GUCY1A2: variants seen among roughly 807,000 people sequenced by gnomAD.
The protein encoded by GUCY1A2 is guanylate cyclase soluble subunit alpha-2.
In GUCY1A2, 27 loss-of-function variants were observed where a neutral mutation model predicts 63.5. The ratio of observed to expected loss-of-function variants is 0.43; its 90% CI spans 0.31 to 0.59. GUCY1A2 has a LOEUF of 0.59. Among genes scored for constraint, GUCY1A2 ranks in the 20% least tolerant of loss-of-function variants. The pLI is 0.11. For missense variants in GUCY1A2, 768 were observed against 913.3 expected, an observed-to-expected ratio of 0.84 and a Z score of 2.05; for synonymous variants, 364 against 343.5, an observed-to-expected ratio of 1.06 and a Z score of -0.66.
At chr11:106,756,769 T>C (rs978401875) in intron 6 of GUCY1A2, among the ~76,000 whole-genome samples, 1 of 152,240 alleles carries the variant, frequency 6.6e-6, no homozygotes, top group African/African-American at 2.4e-5. Flanking sequence ...TCTCTCTAGC[T>C]GTCCCTAACA....
At chr11:106,748,626 TTTTCTAATTTC>T (rs1863831853) in intron 6 of GUCY1A2, among the ~76,000 whole-genome samples, 1 of 152,238 alleles carries the variant, frequency 6.6e-6, no homozygotes, top group Non-Finnish European at 1.5e-5. Flanking sequence ...TGCTACTCTA[TTTTCTAATTTC>T]TTAAGAATTG....
At chr11:106,747,277 C>G (rs543448567) in intron 6 of GUCY1A2, among the ~76,000 whole-genome samples, 1 of 149,004 alleles carries the variant, frequency 6.7e-6, no homozygotes, top group Non-Finnish European at 1.5e-5. Flanking sequence ...CGTAAGCCAC[C>G]GCGCCCGGCC....
chr11:106,853,364 T>C (rs117124600), intron 4 of GUCY1A2, among the ~76,000 whole-genome samples: 1,953 of 152,144 alleles, frequency 0.013, 26 homozygotes, highest in South Asian at 0.048. Context: ...TGGTTTTTTG[T>C]TTTTATTGGG....
chr11:106,978,249 A>G (rs1861288501), intron 3 of GUCY1A2, among the ~76,000 whole-genome samples: 1 of 152,142 alleles, frequency 6.6e-6, no homozygotes, highest in Non-Finnish European at 1.5e-5. Context: ...TTCTGCCCCA[A>G]CCAGGACCTC....
At chr11:106,760,793 A>T (rs889912881) in intron 6 of GUCY1A2, among the ~76,000 whole-genome samples, 1 of 152,176 alleles carries the variant, frequency 6.6e-6, no homozygotes, top group African/African-American at 2.4e-5. Flanking sequence ...AGAAAATACT[A>T]AAGGTTAAAA....
At chr11:107,005,097 T>C (rs1043574692) in intron 1 of GUCY1A2, among the ~76,000 whole-genome samples, 6 of 152,092 alleles carry the variant, frequency 3.9e-5, no homozygotes, top group East Asian at 3.9e-4. Context: ...TAAATATTAT[T>C]ATCATCATTA....
chr11:107,017,325 G>GT (rs1861836903), intron 1 of GUCY1A2, among the ~76,000 whole-genome samples: 1 of 152,186 alleles, frequency 6.6e-6, no homozygotes, highest in Non-Finnish European at 1.5e-5. Flanking sequence ...GGGTTTCCTG[G>GT]AAGGGGTTGG....
At chr11:106,803,327 A>C (rs1858636659) in intron 5 of GUCY1A2, among the ~76,000 whole-genome samples, 1 of 152,180 alleles carries the variant, frequency 6.6e-6, no homozygotes, top group Non-Finnish European at 1.5e-5. Flanking sequence ...AGGCCCCATG[A>C]AGATGACACA....
chr11:106,763,415 C>A (rs1250547970), intron 6 of GUCY1A2, among the ~76,000 whole-genome samples: 1 of 152,100 alleles, frequency 6.6e-6, no homozygotes, highest in Non-Finnish European at 1.5e-5. Context: ...AACATTAAAT[C>A]TGTTAAAAGC....
At chr11:106,762,587 G>T (rs1355084564) in intron 6 of GUCY1A2, among the ~76,000 whole-genome samples, 1 of 151,946 alleles carries the variant, frequency 6.6e-6, no homozygotes, top group East Asian at 1.9e-4. Flanking sequence ...TTATTTTCTG[G>T]ACTAAATGCT....
intron 4 of GUCY1A2, among the ~76,000 whole-genome samples, chr11:106,876,505 C>T (rs1162139443): frequency 1.3e-5 from 2 of 152,076 alleles, no homozygotes; most frequent in Non-Finnish European, 2.9e-5. Flanking sequence ...TCTGACTGTA[C>T]ATTTACGATT....
At chr11:106,902,667 T>C (rs561016475) in intron 4 of GUCY1A2, among the ~76,000 whole-genome samples, 20 of 152,214 alleles carry the variant, frequency 1.3e-4, no homozygotes, top group Non-Finnish European at 2.4e-4. Flanking sequence ...TCAACATCCA[T>C]GGGTTCCACA....
At chr11:106,985,678 T>C (rs1009608890) in intron 2 of GUCY1A2, among the ~76,000 whole-genome samples, 3 of 152,166 alleles carry the variant, frequency 2.0e-5, no homozygotes, top group African/African-American at 7.2e-5. Context: ...TGAACTGTGT[T>C]AAGGCTGTAG....
intron 4 of GUCY1A2, among the ~76,000 whole-genome samples, chr11:106,812,056 T>G (rs1468505483): frequency 1.3e-5 from 2 of 152,026 alleles, no homozygotes; most frequent in Non-Finnish European, 2.9e-5. Flanking sequence ...TGTATATGTT[T>G]CATATGCTCT....
At chr11:106,970,852 T>A (rs1861183965) in intron 3 of GUCY1A2, among the ~76,000 whole-genome samples, 1 of 148,760 alleles carries the variant, frequency 6.7e-6, no homozygotes, top group African/African-American at 2.5e-5. Flanking sequence ...ATAAGCAAAC[T>A]GTGGTACATG....
At chr11:106,691,679 G>C (rs929632529) in intron 7 of GUCY1A2, among the ~76,000 whole-genome samples, 1 of 152,144 alleles carries the variant, frequency 6.6e-6, no homozygotes, top group Non-Finnish European at 1.5e-5. Flanking sequence ...TTGATCTCTT[G>C]ACATTTTAAA....
chr11:106,823,223 T>C (rs546325668), intron 4 of GUCY1A2, among the ~76,000 whole-genome samples: 12 of 152,226 alleles, frequency 7.9e-5, no homozygotes, highest in Admixed American at 2.6e-4. Flanking sequence ...AAGAGGTAAT[T>C]TTTCATTCCT....
intron 6 of GUCY1A2, among the ~76,000 whole-genome samples, chr11:106,762,900 T>C (rs1361649688): frequency 6.6e-6 from 1 of 152,124 alleles, no homozygotes; most frequent in African/African-American, 2.4e-5. Flanking sequence ...ATGCTCCCAC[T>C]AATTTTTAGC....
intron 6 of GUCY1A2, among the ~76,000 whole-genome samples, chr11:106,709,182 A>T (rs1356869123): frequency 7.7e-6 from 1 of 129,704 alleles, no homozygotes; most frequent in African/African-American, 2.9e-5. Context: ...ACTATATATT[A>T]TATATAACTA....
Sources: gnomAD v4.1 joint callset for allele counts (sites outside exome capture counted in the v4.1 genomes callset) on GRCh38, gnomAD v4.1.1 for gene constraint, MANE v1.5 for transcripts, NCBI Gene and HGNC (gene_info 2026-07-23, HGNC 2026-07-21) for gene names.